The following CNDP2 variants were observed in gnomAD, a reference collection of about 807,000 sequenced individuals.
The protein encoded by CNDP2 is carnosine dipeptidase 2, also known as cytosolic non-specific dipeptidase.
A neutral mutation model predicts 55.0 loss-of-function variants in CNDP2; 38 were observed. The observed-to-expected ratio is 0.69, with a 90% CI of 0.53 to 0.90. The LOEUF is 0.90. Ranked by LOEUF, CNDP2 falls within the 40% of genes least tolerant of loss-of-function variation. CNDP2 has a pLI of 0.00. For synonymous variants in CNDP2, 241 were observed against 260.2 expected (o/e 0.93, Z 0.71); for missense variants, 607 against 621.7 (o/e 0.98, Z 0.25).
At chr18:74,501,551 A>G in intron 3 of CNDP2, 79 bp downstream of exon 3, 2 of 1,503,494 alleles carry the variant, frequency 1.3e-6, no homozygotes, top group African/African-American at 2.8e-5. Context: ...ACAAGTTCTT[A>G]AAAGATCTTT....
chr18:74,510,992 C>T lies in CNDP2; in HGVS notation c.636C>T (p.Gly212=), dbSNP rs781176395. The T allele has an allele frequency of 1.2e-6, 2 of 1,614,098 alleles. No homozygotes were observed. Among genetic ancestry groups the T allele is most frequent in the South Asian group, 2.2e-5 (2 of 91,080 alleles). Residue 212 remains glycine, a synonymous_variant, in exon 6 of 12, where the codon GGC becomes GGT. Coordinates refer to ENST00000324262, the MANE Select transcript of CNDP2 (RefSeq NM_018235.3). ...CCTGCATCACCTACGGCCTCAGGGG[C>T]ATTTGCTACTTTTTCATCGAGGTAC... ...KKPCITYGLR[G]ICYFFIEVEC...
At chr18:74,504,691 A>C (rs1978912270) in intron 3 of CNDP2, 2 of 152,254 alleles carry the variant, frequency 1.3e-5, no homozygotes, top group African/African-American at 4.8e-5. Flanking sequence ...AGTATTTTCT[A>C]GCAACTAGAC....
At position 74,508,483 on chromosome 18, in the gene CNDP2, C is replaced by T. The variant is rs551676046; in HGVS notation, c.368-357C>T. On this transcript the variant is annotated intron_variant, in intron 4 of 11. Transcript: ENST00000324262. Reference sequence around the variant, plus strand: ...TGGGCTTCCTGTCCCCATTGCTCCCCGCTGCTTCTGGTAAATGGGTTTTAA... The same window carrying T: ...TGGGCTTCCTGTCCCCATTGCTCCCTGCTGCTTCTGGTAAATGGGTTTTAA... 18 of 197,706 alleles carry T rather than the reference C, an allele frequency of 9.1e-5. 1 individual carries two copies. The highest frequency in any genetic ancestry group is 4.4e-3 in the Middle Eastern group (2 of 458). 12.2% of individuals were successfully genotyped at this position (197,706 alleles called of 1,614,324 possible).
At position 74,516,288 on chromosome 18, in the gene CNDP2, G is replaced by A. The variant is rs367547142; in HGVS notation, c.964G>A (p.Ala322Thr). The part of the protein sequence containing the change: ...PSLSLHGIEG[A>T]FSGSGAKTVI... The stretch of plus-strand genomic sequence containing the variant: ...TCTGTCCCTCCATGGCATCGAAGGC[G>A]CCTTCTCTGGGTCTGGGGCCAAGAC... Residue 322 changes from alanine (A) to threonine (T), a missense_variant, in exon 9 of 12, where the codon GCC (alanine) becomes ACC (threonine). Coordinates refer to ENST00000324262, the MANE Select transcript of CNDP2 (RefSeq NM_018235.3). 56 of 1,614,012 alleles carry A rather than the reference G, an allele frequency of 3.5e-5. No individual in the cohort carries two copies. The highest frequency in any genetic ancestry group is 6.6e-5 in the South Asian group (6 of 91,086).
At chr18:74,511,623 G>A (rs1350933020) in intron 6 of CNDP2, among the ~76,000 whole-genome samples, 2 of 151,528 alleles carry the variant, frequency 1.3e-5, no homozygotes, top group African/African-American at 2.4e-5. Flanking sequence ...AAGGAGAATC[G>A]CTTGAACCCG....
intron 11 of CNDP2, 44 bp downstream of exon 11, chr18:74,519,140 C>T (rs762587374): frequency 8.3e-6 from 13 of 1,557,662 alleles, no homozygotes; most frequent in East Asian, 2.3e-5. Context: ...TCCTGCACAG[C>T]GTCCCTCTCG....
intron 5 of CNDP2, chr18:74,509,500 G>C (rs936082576): frequency 6.6e-6 from 1 of 152,328 alleles, no homozygotes; most frequent in South Asian, 2.1e-4. Flanking sequence ...CGGGCATGGT[G>C]GTGGGCACCT....
intron 8 of CNDP2, among the ~76,000 whole-genome samples, chr18:74,515,148 G>C (rs1024565613): frequency 2.6e-5 from 4 of 152,228 alleles, no homozygotes; most frequent in Non-Finnish European, 5.9e-5. Flanking sequence ...TGGCCTGGGC[G>C]CTGCTGTGGA....
At position 74,518,595 on chromosome 18, in the gene CNDP2, T is replaced by G; in HGVS notation, c.1165T>G (p.Phe389Val). The G allele has an allele frequency of 6.2e-7, 1 of 1,614,232 alleles. No individual in the cohort carries two copies. ...GHGGKPWVSD[F>V]SHPHYLAGRR... is the part of the protein sequence containing the mutation. ...CGGTGGGAAGCCCTGGGTCTCCGAC[T>G]TCAGTCACCCTCATTACCTGGCTGG... The change falls in exon 10 of 12, where the codon TTC becomes GTC. Residue 389 changes from phenylalanine to valine, a missense_variant. Transcript: ENST00000324262.
At position 74,500,024 on chromosome 18, in the gene CNDP2, C is replaced by G. The variant is rs1461038109; in HGVS notation, c.51C>G (p.Arg17=). ...AGTACATAGATGAAAATCAGGATCG[C>G]TACATTAAGGTAAGGGAATATTCAT... ...LFKYIDENQD[R]YIKKLAKWVA... Residue 17 remains arginine (R), a synonymous_variant, in exon 2 of 12, where the codon CGC becomes CGG. Transcript: ENST00000324262. The G allele has an allele frequency of 6.2e-7, 1 of 1,613,692 alleles. No homozygotes were observed.
At position 74,499,904 on chromosome 18, in the gene CNDP2, A is replaced by C; in HGVS notation, c.-70A>C. 1 of 1,437,224 alleles carries C rather than the reference A, an allele frequency of 7.0e-7. No homozygotes were observed. Among genetic ancestry groups the C allele is most frequent in the South Asian group, 1.2e-5 (1 of 86,698 alleles). 89.0% of individuals were successfully genotyped at this position (1,437,224 alleles called of 1,614,324 possible). ...CAGGTCGCCCCTCAGTCTCCACTAG[A>C]GACAGGACTGACCAGTTGCTCTTCC... On this transcript the variant is annotated 5_prime_UTR_variant, in exon 2 of 12. Coordinates refer to ENST00000324262, the MANE Select transcript of CNDP2 (RefSeq NM_018235.3).
chr18:74,519,133 T>C (rs369453460), intron 11 of CNDP2, 37 bp downstream of exon 11: 5 of 1,570,544 alleles, frequency 3.2e-6, no homozygotes, highest in Non-Finnish European at 4.3e-6. Flanking sequence ...TGGCGTCTCC[T>C]GCACAGCGTC....
In CNDP2 at chr18:74,516,325, G is replaced by T. The variant is rs1979662781; in HGVS notation, c.1001G>T (p.Arg334Met). ...SGSGAKTVIP[R>M]KVVGKFSIRL... ...TCTGGGGCCAAGACCGTGATTCCCAGGAAGGTGGTTGGCAAGTTCTCCATC... is the reference window on the plus strand; with the variant it reads ...TCTGGGGCCAAGACCGTGATTCCCATGAAGGTGGTTGGCAAGTTCTCCATC... The change falls in exon 9 of 12, where the codon AGG becomes ATG. Residue 334 changes from arginine to methionine, a missense_variant. Arg to Met is a moderately conservative substitution (Grantham distance 91). Transcript: ENST00000324262. 2 of 1,614,066 alleles carry T rather than the reference G, an allele frequency of 1.2e-6. No homozygotes were observed. Among genetic ancestry groups the T allele is most frequent in the Non-Finnish European group, 1.7e-6 (2 of 1,180,046 alleles).
At chr18:74,503,842 C>T (rs1281541707) in intron 3 of CNDP2, among the ~76,000 whole-genome samples, 1 of 150,580 alleles carries the variant, frequency 6.6e-6, no homozygotes, top group African/African-American at 2.5e-5. Flanking sequence ...GGCGTCAGGC[C>T]ACACGCCACA....
rs1328285760 is a variant in CNDP2 at position 74,518,569 on chromosome 18, A to C, written c.1139A>C (p.His380Pro). Reference sequence around the variant, plus strand: ...AATGAGTTCAAGGTGTACATGGGCCACGGTGGGAAGCCCTGGGTCTCCGAC... The same window carrying C: ...AATGAGTTCAAGGTGTACATGGGCCCCGGTGGGAAGCCCTGGGTCTCCGAC... ...SPNEFKVYMG[H>P]GGKPWVSDFS... Residue 380 changes from histidine to proline, a missense_variant, in exon 10 of 12, where the codon CAC becomes CCC. Coordinates refer to ENST00000324262, the MANE Select transcript of CNDP2 (RefSeq NM_018235.3). The C allele has an allele frequency of 3.7e-6, 6 of 1,614,122 alleles. No homozygotes were observed. Among genetic ancestry groups the C allele is most frequent in the Non-Finnish European group, 5.1e-6 (6 of 1,180,052 alleles).
chr18:74,518,283 A>C (rs1210339314), intron 9 of CNDP2: 2 of 456,218 alleles, frequency 4.4e-6, no homozygotes, highest in Non-Finnish European at 3.9e-6. Flanking sequence ...AAAATAAAAA[A>C]AGAAGTCTCC....
intron 1 of CNDP2, among the ~76,000 whole-genome samples, chr18:74,499,152 G>A (rs970341070): frequency 3.3e-5 from 5 of 152,240 alleles, no homozygotes; most frequent in African/African-American, 1.2e-4. Flanking sequence ...TGTCCCCGCA[G>A]TTTTGAATTT....
At chr18:74,499,759 T>G (rs1304893875) in intron 1 of CNDP2, 123 bp from the exon 2 acceptor site, 19 of 445,914 alleles carry the variant, frequency 4.3e-5, no homozygotes, top group Non-Finnish European at 6.4e-5. Context: ...CTCTAACTGG[T>G]TCCCAAAGTT....
intron 7 of CNDP2, among the ~76,000 whole-genome samples, 173 bp downstream of exon 7, chr18:74,512,705 C>A (rs1979422136): frequency 6.6e-6 from 1 of 152,084 alleles, no homozygotes; most frequent in Non-Finnish European, 1.5e-5. Flanking sequence ...CTGAGAGGCC[C>A]CCTTGTTTGA....
Sources: gnomAD v4.1 joint callset for allele counts (sites outside exome capture counted in the v4.1 genomes callset) on GRCh38, gnomAD v4.1.1 for gene constraint, MANE v1.5 for transcripts, NCBI Gene and HGNC (gene_info 2026-07-23, HGNC 2026-07-21) for gene names.